Variants in RYR1 observed in about 807,000 individuals in gnomAD.
RYR1 encodes the protein ryanodine receptor 1.
Under a neutral mutation model 583.5 loss-of-function variants are expected in RYR1, and 342 were observed. The observed-to-expected ratio is 0.59, with a 90% confidence interval of 0.54 to 0.64. The LOEUF (loss-of-function observed/expected upper bound fraction) is 0.64. RYR1 is among the 30% of genes least tolerant of loss of function. RYR1 has a pLI of 0.00. For synonymous variants in RYR1, 2,791 were observed against 2,822.5 expected, an observed-to-expected ratio of 0.99 and a Z score of 0.35; for missense variants, 6,032 against 6,917.2, an observed-to-expected ratio of 0.87 and a Z score of 4.54.
chr19:38,497,011 G>A, intron 42 of RYR1, 57 bp downstream of exon 42: 2 of 1,465,934 alleles, frequency 1.4e-6, no homozygotes, highest in Non-Finnish European at 1.9e-6. Flanking sequence ...CCGCTACCCG[G>A]CTGCTTGGGA....
chr19:38,499,938 G>A lies in RYR1; in HGVS notation c.7245G>A (p.Arg2415=). The A allele has an allele frequency of 6.2e-7, 1 of 1,614,120 alleles. No individual in the cohort carries two copies. The change falls in exon 45 of 106, where the codon CGG becomes CGA. Residue 2415 remains arginine, a synonymous_variant. Transcript: ENST00000359596. The surrounding 1 kb of genome is among the most constrained non-coding windows in gnomAD (Gnocchi z 7.3). ...HFGEEPPEEN[R]VHLGHAIMSF... is the part of the protein sequence containing the mutation. ...GTGAGGAACCGCCTGAAGAAAACCG[G>A]GTGCACCTGGGACACGCCATCATGT...
chr19:38,502,466 G>T lies in RYR1; in HGVS notation c.7615-41G>T, dbSNP rs779110031. The T allele has an allele frequency of 5.8e-6, 9 of 1,562,528 alleles. No homozygotes were observed. The Admixed American group carries it at 1.6e-4, about 27-fold the overall frequency. ...CAAGACAGGTGCCAGAGCAGCCCCA[G>T]GGGTGTGCAGCGGGCCTGATGTCCT... On this transcript the variant is annotated intron_variant, in intron 47 of 105. Transcript: ENST00000359596.
intron 89 of RYR1, 131 bp from the exon 90 acceptor site, chr19:38,560,982 G>A: frequency 2.5e-6 from 2 of 799,888 alleles, no homozygotes; most frequent in Non-Finnish European, 4.0e-6. Flanking sequence ...TTGAGGCTGG[G>A]TTGAGCTGTG....
At chr19:38,536,807 C>T in intron 83 of RYR1, 40 bp downstream of exon 83, 10 of 1,608,054 alleles carry the variant, frequency 6.2e-6, no homozygotes, top group Non-Finnish European at 8.5e-6. Flanking sequence ...GCTGCTGTCA[C>T]CCACCCCTCC....
At chr19:38,564,734 T>C (rs1973308549) in intron 90 of RYR1, among the ~76,000 whole-genome samples, 1 of 152,170 alleles carries the variant, frequency 6.6e-6, no homozygotes, top group Non-Finnish European at 1.5e-5. Flanking sequence ...CAGGCTGGTC[T>C]CGAACTCCTG....
chr19:38,483,338 C>T lies in RYR1; in HGVS notation c.4756C>T (p.Pro1586Ser). ...AAMFQSERKNPAPQCPPRLEM... is the reference protein window; with the variant it reads ...AAMFQSERKNSAPQCPPRLEM... ...CATGTTCCAAAGCGAGCGCAAGAACCCGGCCCCGCAGTGCCCACCGCGGCT... is the reference window on the plus strand; with the variant it reads ...CATGTTCCAAAGCGAGCGCAAGAACTCGGCCCCGCAGTGCCCACCGCGGCT... The change falls in exon 33 of 106, where the codon CCG becomes TCG. Residue 1586 changes from proline (P) to serine (S), a missense_variant. Around this residue, in one of 11 missense-constraint regions of RYR1, gnomAD observed 2,627 missense variants for 2,961.3 expected, o/e 0.89. Transcript: ENST00000359596. This position sits in a 1 kb window ranked among gnomAD's most constrained non-coding sequence, Gnocchi z 6.3. 6.4e-7 allele frequency: 1 copy of T among 1,560,412 alleles called. No individual in the cohort carries two copies. Among genetic ancestry groups the T allele is most frequent in the Admixed American group, 1.9e-5 (1 of 51,768 alleles).
chr19:38,474,887 G>A (rs1968634950), intron 28 of RYR1, among the ~76,000 whole-genome samples: 1 of 152,122 alleles, frequency 6.6e-6, no homozygotes, highest in Non-Finnish European at 1.5e-5. Context: ...TGGAAATGAT[G>A]GAGTCTTTGT....
Position 38,494,566 on chromosome 19 carries a change from C to A in RYR1, c.6489C>A (p.Arg2163=), listed in dbSNP as rs756043021. The change falls in exon 39 of 106, where the codon CGC becomes CGA. Residue 2163 remains arginine (R), a synonymous_variant. Transcript: ENST00000359596. ...TGCTCGAGTGCCTCGGCCAGATCCG[C>A]TCGCTGCTCATCGTGCAGATGGGCC... ...MSLLECLGQI[R]SLLIVQMGPQ... The A allele has an allele frequency of 2.5e-6, 4 of 1,614,046 alleles. No individual in the cohort carries two copies. In the African/African-American group the frequency reaches 5.3e-5, roughly 22 times the overall value.
In RYR1 at chr19:38,523,303, G is replaced by A. The variant is rs764641752; in HGVS notation, c.10434G>A (p.Met3478Ile). Residue 3478 changes from methionine to isoleucine, a missense_variant, in exon 69 of 106, where the codon ATG (methionine) becomes ATA (isoleucine). This residue lies in a region of RYR1 where 1,493 missense variants were observed against 1,715.5 expected (regional missense o/e 0.87). Transcript: ENST00000359596. Reference protein sequence around the residue: ...SFLTADNKSKMAKAGDIQSGG... With the variant: ...SFLTADNKSKIAKAGDIQSGG... ...TGACTGCTGACAACAAAAGCAAAAT[G>A]GCTAAGGTCGGGGCTTGGTTCTGGG... The A allele has an allele frequency of 8.7e-6, 14 of 1,614,196 alleles. No homozygotes were observed. Among genetic ancestry groups the A allele is most frequent in the Non-Finnish European group, 1.2e-5 (14 of 1,180,044 alleles).
intron 90 of RYR1, among the ~76,000 whole-genome samples, chr19:38,564,200 CAG>C (rs1468018479): frequency 2.6e-5 from 4 of 152,254 alleles, no homozygotes; most frequent in African/African-American, 9.6e-5. Flanking sequence ...CCAACACAGA[CAG>C]ACCCTGTCTC....
In RYR1 at chr19:38,568,466, T is replaced by G. The variant is rs1055735787; in HGVS notation, c.13659+549T>G. Among the ~76,000 whole-genome samples, 4 of 150,576 alleles carry G rather than the reference T, an allele frequency of 2.7e-5. 1 individual carries two copies. The highest frequency in any genetic ancestry group is 4.2e-4 in the South Asian group (2 of 4,770). On this transcript the variant is annotated intron_variant, in intron 93 of 105. Transcript: ENST00000359596. ...AGGGGGTGAGGGAGGCTGGGCACGG[T>G]GGGTCACACCTGTAATCCCAGCACC...
At chr19:38,563,809 A>C (rs1973261817) in intron 90 of RYR1, among the ~76,000 whole-genome samples, 1 of 152,206 alleles carries the variant, frequency 6.6e-6, no homozygotes, top group Non-Finnish European at 1.5e-5. Flanking sequence ...CTCTCAAGGA[A>C]GCTAAACACA....
chr19:38,575,690 C>A (rs912078070), intron 96 of RYR1, among the ~76,000 whole-genome samples: 4 of 152,088 alleles, frequency 2.6e-5, no homozygotes, highest in Non-Finnish European at 4.4e-5. Context: ...GTAATCCCAG[C>A]TACTCAGGAG....
intron 84 of RYR1, among the ~76,000 whole-genome samples, chr19:38,541,584 C>T (rs1172686519): frequency 6.6e-6 from 1 of 152,126 alleles, no homozygotes; most frequent in African/African-American, 2.4e-5. Context: ...GGCGTGGTGG[C>T]GCATGCCTGT....
intron 61 of RYR1, 28 bp downstream of exon 61, chr19:38,511,638 C>G: frequency 1.2e-6 from 2 of 1,612,312 alleles, no homozygotes; most frequent in Non-Finnish European, 1.7e-6. Context: ...TTCGGTCTTC[C>G]TCCCTAATCT....
intron 97 of RYR1, among the ~76,000 whole-genome samples, chr19:38,576,945 G>A (rs974116777): frequency 1.3e-5 from 2 of 151,902 alleles, no homozygotes; most frequent in African/African-American, 4.8e-5. Flanking sequence ...GAGTGCAGTG[G>A]CACAATCTCA....
intron 34 of RYR1, among the ~76,000 whole-genome samples, chr19:38,486,468 C>T (rs572190983): frequency 2.1e-4 from 32 of 152,288 alleles, no homozygotes; most frequent in Non-Finnish European, 3.2e-4. Context: ...CTCAGCCCCC[C>T]GAGTAGCGGG....
chr19:38,433,780 C>G lies in RYR1; in HGVS notation c.-50C>G, dbSNP rs1442205819. On this transcript the variant is annotated 5_prime_UTR_variant, in exon 1 of 106. Transcript: ENST00000359596. The stretch of plus-strand genomic sequence containing the variant: ...CAGCCCTCCCGCCCAGCCCGCAGCC[C>G]CCTCCCTCTGTTCCCCGACCTCAGA... 8.1e-7 allele frequency: 1 copy of G among 1,234,420 alleles called. No homozygotes were observed. The highest frequency in any genetic ancestry group is 1.2e-6 in the Non-Finnish European group (1 of 835,608). 76.5% of individuals were successfully genotyped at this position (1,234,420 alleles called of 1,614,324 possible).
chr19:38,565,377 CG>C lies in RYR1; in HGVS notation c.13048del (p.Ala4350ArgfsTer25), dbSNP rs1359827678. On this transcript the variant is annotated frameshift_variant, in exon 91 of 106. Coordinates refer to ENST00000359596, the MANE Select transcript of RYR1 (RefSeq NM_000540.3). LOFTEE classifies it high-confidence loss of function. The surrounding 1 kb of genome is among the most constrained non-coding windows in gnomAD (Gnocchi z 4.7). ...AAVTRAGAAG[A>X]GAAAGALGLL... ...GTGACGCGCGCTGGGGCCGCTGGCG[CG>C]GGGGCGGCGGCGGGCGCGCTGGGCC... 1 of 1,338,750 alleles carries C rather than the reference CG, an allele frequency of 7.5e-7. No individual in the cohort carries two copies. Among genetic ancestry groups the C allele is most frequent in the South Asian group, 2.0e-5 (1 of 50,656 alleles). 82.9% of individuals were successfully genotyped at this position (1,338,750 alleles called of 1,614,324 possible).
Sources: gnomAD v4.1 joint callset for allele counts (sites outside exome capture counted in the v4.1 genomes callset) on GRCh38, gnomAD v4.1.1 for gene constraint, gnomAD v4.1.1 regional missense constraint, Gnocchi (gnomAD v3.1) non-coding constraint, MANE v1.5 for transcripts, NCBI Gene and HGNC (gene_info 2026-07-23, HGNC 2026-07-21) for gene names.